GLRA2: variants seen among roughly 807,000 people sequenced by gnomAD.
GLRA2 encodes glycine receptor subunit alpha-2.
GLRA2 carries 11 observed loss-of-function variants against 31.6 expected under a neutral mutation model. The ratio of observed to expected loss-of-function variants is 0.35; its 90% CI spans 0.22 to 0.58. The LOEUF is 0.58. Among genes scored for constraint, GLRA2 ranks in the 20% least tolerant of loss-of-function variants. GLRA2 has a pLI of 0.84. For synonymous variants in GLRA2, 132 were observed against 134.0 expected (o/e 0.99, Z 0.10); for missense variants, 212 against 351.8 (o/e 0.60, Z 3.18).
chrX:14,634,081 TG>T (rs747474971), intron 7 of GLRA2, among the ~76,000 whole-genome samples: 1 of 111,805 alleles, frequency 8.9e-6, no homozygotes, highest in Non-Finnish European at 1.9e-5. Context: ...CCCAAGTAGC[TG>T]GGATTACAGG....
At chrX:14,594,265 T>G (rs2090176963) in intron 4 of GLRA2, among the ~76,000 whole-genome samples, 1 of 111,643 alleles carries the variant, frequency 9.0e-6, no homozygotes, top group African/African-American at 3.3e-5. Flanking sequence ...CCCCCTTTTT[T>G]TTAAAGTAAA....
chrX:14,653,934 G>T (rs1319729146), intron 7 of GLRA2, among the ~76,000 whole-genome samples: 1 of 111,911 alleles, frequency 8.9e-6, no homozygotes, highest in Non-Finnish European at 1.9e-5. Flanking sequence ...AGACAAGCCT[G>T]GGCAACATAG....
Position 14,587,905 on chromosome X carries a change from A to AT in GLRA2, c.494+6514dup, listed in dbSNP as rs143523144. On this transcript the variant is annotated intron_variant, in intron 4 of 8. Coordinates refer to ENST00000218075, the MANE Select transcript of GLRA2 (RefSeq NM_002063.4). The stretch of plus-strand genomic sequence containing the variant: ...TGGTGTTTCCTAGCTTCTGTCTAGG[A>AT]TTTTTTTTTTTTTTTCTTTTGAGAC... 4.4e-3 allele frequency among the ~76,000 whole-genome samples: 431 copies of AT among 98,355 alleles called. 1 individual carries two copies. The highest frequency in any genetic ancestry group is 0.01 in the African/African-American group (273 of 27,157). 85.4% of individuals were successfully genotyped at this position (98,355 alleles called of 115,157 possible). A position where few individuals can be genotyped will look rare whatever the true frequency, so the allele number is the denominator to read the frequency against.
chrX:14,598,584 G>C (rs1393896550), intron 4 of GLRA2, among the ~76,000 whole-genome samples: 1 of 112,168 alleles, frequency 8.9e-6, no homozygotes, highest in East Asian at 2.8e-4. Flanking sequence ...TTTATTTCTA[G>C]TGAGAATCTG....
intron 7 of GLRA2, among the ~76,000 whole-genome samples, chrX:14,666,932 T>C (rs1012395460): frequency 1.2e-4 from 14 of 112,235 alleles, no homozygotes; most frequent in African/African-American, 4.5e-4. Flanking sequence ...AGAGTGCAAG[T>C]CAATCATCTA....
At chrX:14,488,357 T>C in the GLRA2 span, among the ~76,000 whole-genome samples, 2 of 112,210 alleles carry the variant, frequency 1.8e-5, no homozygotes, top group South Asian at 3.7e-4. Context: ...TAGGTGGGGA[T>C]TGATTCAGAG....
intron 8 of GLRA2, among the ~76,000 whole-genome samples, chrX:14,697,974 T>C (rs1483365191): frequency 1.2e-4 from 13 of 111,892 alleles, no homozygotes; most frequent in Admixed American, 1.1e-3. Flanking sequence ...CTTGCCACTA[T>C]CAAAATTGTC....
intron 7 of GLRA2, among the ~76,000 whole-genome samples, chrX:14,628,921 T>C (rs1320067626): frequency 9.0e-6 from 1 of 111,368 alleles, no homozygotes; most frequent in Non-Finnish European, 1.9e-5. Flanking sequence ...GAGTAAGATT[T>C]GAGAGGGGAT....
At chrX:14,701,833 G>C (rs1052499924) in intron 8 of GLRA2, among the ~76,000 whole-genome samples, 2 of 112,365 alleles carry the variant, frequency 1.8e-5, no homozygotes. Context: ...TTTGAAGGGA[G>C]TTCAATGTTT....
intron 7 of GLRA2, among the ~76,000 whole-genome samples, chrX:14,663,797 T>A (rs770173471): frequency 8.1e-5 from 9 of 111,705 alleles, no homozygotes; most frequent in South Asian, 7.4e-4. Context: ...TTAGATTTTT[T>A]AAAAATATCT....
intron 7 of GLRA2, among the ~76,000 whole-genome samples, chrX:14,666,451 T>C (rs1417706346): frequency 8.9e-6 from 1 of 111,929 alleles, no homozygotes; most frequent in Non-Finnish European, 1.9e-5. Flanking sequence ...ATAGCATTGA[T>C]GTCAAGAAAC....
chrX:14,533,162 T>C lies in GLRA2; in HGVS notation c.202+790T>C, dbSNP rs1308849938. Among the ~76,000 whole-genome samples the C allele has an allele frequency of 1.8e-5, 2 of 110,825 alleles. 1 individual carries two copies. The highest frequency in any genetic ancestry group is 3.8e-5 in the Non-Finnish European group (2 of 52,607). On this transcript the variant is annotated intron_variant, in intron 2 of 8. Coordinates refer to ENST00000218075, the MANE Select transcript of GLRA2 (RefSeq NM_002063.4). ...TGCTTTAATTTTTAAATACATAGTT[T>C]AAGTGATGTTGTCTTTTTCTTGTAA...
chrX:14,644,975 G>C (rs1362932540), intron 7 of GLRA2, among the ~76,000 whole-genome samples: 1 of 111,813 alleles, frequency 8.9e-6, no homozygotes, highest in Non-Finnish European at 1.9e-5. Flanking sequence ...TGCTGTTCAC[G>C]GTTGGATCTC....
At chrX:14,460,637 T>G in the GLRA2 span, among the ~76,000 whole-genome samples, 1 of 112,260 alleles carries the variant, frequency 8.9e-6, no homozygotes, top group Admixed American at 9.4e-5. Flanking sequence ...TTTTCTAGTT[T>G]ATTTGCGTAG....
At chrX:14,493,213 G>GA in the GLRA2 span, among the ~76,000 whole-genome samples, 3 of 109,212 alleles carry the variant, frequency 2.7e-5, no homozygotes, top group East Asian at 2.8e-4. Context: ...CCTTAAAGTG[G>GA]AAAAAAAATG....
chrX:14,494,185 T>A, the GLRA2 span, among the ~76,000 whole-genome samples: 1 of 111,688 alleles, frequency 9.0e-6, no homozygotes, highest in African/African-American at 3.2e-5. Flanking sequence ...TAGTAGTGAC[T>A]GGAAGGGAAA....
At position 14,690,747 on chromosome X, in the gene GLRA2, T is replaced by C. The variant is rs1188766502; in HGVS notation, c.968T>C (p.Val323Ala). Residue 323 changes from valine to alanine, a missense_variant, in exon 8 of 9, where the codon GTG becomes GCG. Physicochemically the swap from Val to Ala is moderately conservative, Grantham distance 64. Coordinates refer to ENST00000218075, the MANE Select transcript of GLRA2 (RefSeq NM_002063.4). ...AAAGCGATTGACATCTGGATGGCGG[T>C]GTGCCTTCTGTTTGTGTTTGCTGCC... ...YVKAIDIWMA[V>A]CLLFVFAALL... 1.7e-6 allele frequency: 2 copies of C among 1,204,097 alleles called. No individual in the cohort carries two copies. The highest frequency in any genetic ancestry group is 2.2e-6 in the Non-Finnish European group (2 of 890,942).
chrX:14,663,515 TTAC>T (rs2091011510), intron 7 of GLRA2, among the ~76,000 whole-genome samples: 1 of 92,339 alleles, frequency 1.1e-5, no homozygotes, highest in African/African-American at 3.9e-5. Flanking sequence ...CTAGAAAAGA[TTAC>T]ACACACACAC....
the GLRA2 span, among the ~76,000 whole-genome samples, chrX:14,506,774 T>C: frequency 9.0e-6 from 1 of 111,408 alleles, no homozygotes; most frequent in Non-Finnish European, 1.9e-5. Context: ...GACCCTCTAA[T>C]TGAGCCTCAG....
Sources: allele counts gnomAD v4.1 joint callset (sites outside exome capture counted in the v4.1 genomes callset), GRCh38; gene constraint gnomAD v4.1.1; transcripts MANE v1.5; gene names NCBI Gene and HGNC (gene_info 2026-07-23, HGNC 2026-07-21).